NF2: variants seen among roughly 807,000 people sequenced by gnomAD.
The protein encoded by NF2 is merlin.
A neutral mutation model predicts 83.7 loss-of-function variants in NF2; 8 were observed. The ratio of observed to expected loss-of-function variants is 0.10; its 90% CI spans 0.06 to 0.17. The LOEUF is 0.17. Among genes scored for constraint, NF2 ranks in the 10% least tolerant of loss-of-function variants. The pLI, the probability that NF2 is intolerant of heterozygous loss-of-function variation, is 1.00. For missense variants in NF2, 533 were observed against 744.4 expected, an observed-to-expected ratio of 0.72 and a Z score of 3.31; for synonymous variants, 266 against 269.6, an observed-to-expected ratio of 0.99 and a Z score of 0.13.
intron 1 of NF2, among the ~76,000 whole-genome samples, chr22:29,630,068 C>G (rs1477294149): frequency 6.6e-6 from 1 of 152,118 alleles, no homozygotes; most frequent in Non-Finnish European, 1.5e-5. Context: ...GACTGTATGT[C>G]CCAAAGAAAA....
chr22:29,689,126 C>T (rs559603831), intron 15 of NF2, among the ~76,000 whole-genome samples: 4 of 135,218 alleles, frequency 3.0e-5, no homozygotes, highest in East Asian at 2.3e-4. Flanking sequence ...CTGCAGTGAG[C>T]GGAGATCGCG....
intron 1 of NF2, among the ~76,000 whole-genome samples, chr22:29,625,654 T>C (rs2065347831): frequency 6.6e-6 from 1 of 152,240 alleles, no homozygotes; most frequent in Non-Finnish European, 1.5e-5. Flanking sequence ...CGTGTCAAAA[T>C]TTATTACCAA....
intron 1 of NF2, among the ~76,000 whole-genome samples, chr22:29,618,211 G>A (rs187844422): frequency 2.2e-4 from 34 of 152,272 alleles, no homozygotes; most frequent in Admixed American, 2.6e-4. Flanking sequence ...TAGGGCTCAG[G>A]TAAGTGATTA....
At chr22:29,622,210 A>C (rs1393304630) in intron 1 of NF2, among the ~76,000 whole-genome samples, 3 of 152,230 alleles carry the variant, frequency 2.0e-5, no homozygotes, top group Non-Finnish European at 4.4e-5. Context: ...ATACTATCTC[A>C]AAAGCATTTT....
chr22:29,665,209 G>GTT, intron 9 of NF2, 145 bp downstream of exon 9: 1 of 686,806 alleles, frequency 1.5e-6, no homozygotes, highest in Admixed American at 2.7e-5. Context: ...AGCTTAAAGA[G>GTT]TTAAAACTAA....
intron 5 of NF2, among the ~76,000 whole-genome samples, chr22:29,654,993 G>A (rs2066257118): frequency 6.6e-6 from 1 of 152,094 alleles, no homozygotes; most frequent in African/African-American, 2.4e-5. Context: ...GAGCATCATT[G>A]ATTCCCAAAG....
At chr22:29,651,752 A>G (rs1474392145) in intron 4 of NF2, among the ~76,000 whole-genome samples, 1 of 152,236 alleles carries the variant, frequency 6.6e-6, no homozygotes, top group Non-Finnish European at 1.5e-5. Context: ...GTATTTGATC[A>G]GTGGACTAGC....
chr22:29,698,261 G>T lies in NF2; in HGVS notation c.*3459G>T, dbSNP rs990155784. ...CTGTGTCTTGTAATTTTGGGGACAGGTTTCTCTCTTTCCCTCTCTTTTTTT... is the reference window on the plus strand; with the variant it reads ...CTGTGTCTTGTAATTTTGGGGACAGTTTTCTCTCTTTCCCTCTCTTTTTTT... On this transcript the variant is annotated 3_prime_UTR_variant, in exon 16 of 16. Transcript: ENST00000338641. 1 of 228,840 alleles carries T rather than the reference G, an allele frequency of 4.4e-6. No homozygotes were observed. 14.2% of individuals were successfully genotyped at this position (228,840 alleles called of 1,614,324 possible). A position where few individuals can be genotyped will look rare whatever the true frequency, so the allele number is the denominator to read the frequency against.
chr22:29,641,711 T>C (rs985700574), intron 3 of NF2, among the ~76,000 whole-genome samples: 21 of 152,268 alleles, frequency 1.4e-4, no homozygotes, highest in African/African-American at 5.1e-4. Context: ...GATCAAATTT[T>C]ATTGCTTCCT....
chr22:29,672,168 C>T (rs565724539), intron 11 of NF2, among the ~76,000 whole-genome samples: 10 of 152,298 alleles, frequency 6.6e-5, no homozygotes, highest in African/African-American at 2.2e-4. Context: ...ACGAGGTTGC[C>T]TTTATAGCAG....
chr22:29,644,792 G>A (rs1032963537), intron 4 of NF2, among the ~76,000 whole-genome samples: 4 of 151,940 alleles, frequency 2.6e-5, no homozygotes, highest in Admixed American at 1.3e-4. Flanking sequence ...GTGGTGGCGC[G>A]CGCCTGCAAT....
chr22:29,684,411 C>T (rs546139897), intron 15 of NF2, among the ~76,000 whole-genome samples: 8 of 152,242 alleles, frequency 5.3e-5, no homozygotes, highest in East Asian at 3.9e-4. Context: ...CAGAAAACCC[C>T]GCTGCATTTC....
chr22:29,674,925 C>T lies in NF2; in HGVS notation c.1430C>T (p.Thr477Ile), dbSNP rs761378464. 7 of 1,569,552 alleles carry T rather than the reference C, an allele frequency of 4.5e-6. 1 individual carries two copies. The Middle Eastern group carries it at 5.0e-4, about 112-fold the overall frequency. The stretch of plus-strand genomic sequence containing the variant: ...AAGCAGAAGCTCCTGGAGATTGCCA[C>T]CAAGCCCACGTACCCGGTGAGCCTG... ...RAKQKLLEIA[T>I]KPTYPPMNPI... is the part of the protein sequence containing the mutation. Residue 477 changes from threonine (T) to isoleucine (I), a missense_variant, in exon 13 of 16, where the codon ACC becomes ATC. This residue lies in a region of NF2 where 199 missense variants were observed against 240.7 expected (regional missense o/e 0.83). Transcript: ENST00000338641.
At chr22:29,610,790 A>G (rs951967247) in intron 1 of NF2, among the ~76,000 whole-genome samples, 4 of 152,214 alleles carry the variant, frequency 2.6e-5, no homozygotes, top group African/African-American at 9.6e-5. Context: ...AATGAAAAAG[A>G]GGAGAAAATA....
intron 12 of NF2, 51 bp from the exon 13 acceptor site, chr22:29,674,785 C>A: frequency 6.6e-7 from 1 of 1,518,736 alleles, no homozygotes; most frequent in South Asian, 1.2e-5. Flanking sequence ...GGTGTCTTTT[C>A]CTGCTACCTG....
chr22:29,683,322 C>G, intron 15 of NF2: 1 of 1,416,424 alleles, frequency 7.1e-7, no homozygotes, highest in South Asian at 1.5e-5. Flanking sequence ...AGCCATTCTT[C>G]CCATCTCGGG....
intron 2 of NF2, among the ~76,000 whole-genome samples, chr22:29,638,605 GC>G (rs2065712678): frequency 6.6e-6 from 1 of 152,086 alleles, no homozygotes. Flanking sequence ...ACCCGCTGTG[GC>G]CTCCCAGCGT....
chr22:29,675,854 A>G (rs956430131), intron 13 of NF2, among the ~76,000 whole-genome samples: 2 of 152,216 alleles, frequency 1.3e-5, no homozygotes, highest in African/African-American at 4.8e-5. Context: ...CACATGGCAC[A>G]GGCACATACA....
At chr22:29,616,503 G>A (rs1008146311) in intron 1 of NF2, among the ~76,000 whole-genome samples, 21 of 152,218 alleles carry the variant, frequency 1.4e-4, no homozygotes, top group African/African-American at 5.1e-4. Context: ...CCAGCACTTC[G>A]GGAGGCCGAG....
Sources: allele counts gnomAD v4.1 joint callset (sites outside exome capture counted in the v4.1 genomes callset), GRCh38; gene constraint gnomAD v4.1.1; regional missense constraint gnomAD v4.1.1; transcripts MANE v1.5; gene names NCBI Gene and HGNC (gene_info 2026-07-23, HGNC 2026-07-21).